The following AGMO variants were observed in gnomAD, a reference collection of about 807,000 sequenced individuals.
AGMO encodes the protein alkylglycerol monooxygenase.
AGMO carries 75 observed loss-of-function variants against 60.2 expected under a neutral mutation model. The ratio of observed to expected loss-of-function variants is 1.25; its 90% CI spans 1.03 to 1.51. AGMO has a LOEUF of 1.51. Ranked by LOEUF, AGMO falls within the 40% of genes most tolerant of loss-of-function variation. The pLI, the probability that AGMO is intolerant of heterozygous loss-of-function variation, is 0.00. For synonymous variants in AGMO, 261 were observed against 177.1 expected (o/e 1.47, Z -3.76); for missense variants, 763 against 525.5 (o/e 1.45, Z -4.42).
At chr7:15,363,897 TAAG>T (rs1217153784) in intron 12 of AGMO, among the ~76,000 whole-genome samples, 1 of 152,122 alleles carries the variant, frequency 6.6e-6, no homozygotes, top group Non-Finnish European at 1.5e-5. Flanking sequence ...GCCCCTCATC[TAAG>T]GTGTTAAAGT....
intron 5 of AGMO, among the ~76,000 whole-genome samples, chr7:15,399,578 A>G (rs969827782): frequency 2.6e-5 from 4 of 152,334 alleles, no homozygotes; most frequent in South Asian, 2.1e-4. Context: ...AAATAATACA[A>G]ATAACAATTT....
At chr7:15,555,229 T>C (rs1785094847) in intron 2 of AGMO, among the ~76,000 whole-genome samples, 1 of 149,168 alleles carries the variant, frequency 6.7e-6, no homozygotes, top group South Asian at 2.1e-4. Flanking sequence ...ACAAATATTC[T>C]TAAAACTCCA....
intron 4 of AGMO, among the ~76,000 whole-genome samples, chr7:15,430,395 A>G (rs71540706): frequency 0.32 from 47,955 of 151,326 alleles, 8,064 homozygotes; most frequent in Middle Eastern, 0.45. Context: ...GAAGATGACA[A>G]AAAAAGGGAT....
At chr7:15,284,927 T>C (rs1324523526) in intron 12 of AGMO, among the ~76,000 whole-genome samples, 1 of 151,772 alleles carries the variant, frequency 6.6e-6, no homozygotes, top group Non-Finnish European at 1.5e-5. Flanking sequence ...GTTTAACACA[T>C]GCAAGTCAAA....
chr7:15,180,333 G>T, the AGMO span, among the ~76,000 whole-genome samples: 8 of 151,986 alleles, frequency 5.3e-5, no homozygotes, highest in African/African-American at 1.9e-4. Context: ...TGAATACTTT[G>T]CTATTTAGAT....
intron 10 of AGMO, among the ~76,000 whole-genome samples, chr7:15,383,653 ATATTATT>A (rs1242802006): frequency 6.6e-6 from 1 of 152,062 alleles, no homozygotes; most frequent in Non-Finnish European, 1.5e-5. Context: ...TTTTCAGCAT[ATATTATT>A]TATTAATTTC....
intron 3 of AGMO, among the ~76,000 whole-genome samples, chr7:15,442,958 G>T (rs1781599549): frequency 6.6e-6 from 1 of 152,196 alleles, no homozygotes; most frequent in South Asian, 2.1e-4. Context: ...AGAATGATGT[G>T]GAGTTTGGCT....
chr7:15,538,428 T>C (rs1268439679), intron 3 of AGMO, among the ~76,000 whole-genome samples: 1 of 152,080 alleles, frequency 6.6e-6, no homozygotes, highest in Non-Finnish European at 1.5e-5. Flanking sequence ...AGACGAAGTC[T>C]CTCCATGTTG....
chr7:15,339,600 C>G (rs779767629), intron 12 of AGMO, among the ~76,000 whole-genome samples: 34 of 152,090 alleles, frequency 2.2e-4, no homozygotes, highest in Admixed American at 4.6e-4. Context: ...GCATTTTATG[C>G]AGAATGTCAG....
At chr7:15,416,001 G>C (rs917988128) in intron 5 of AGMO, among the ~76,000 whole-genome samples, 6 of 148,526 alleles carry the variant, frequency 4.0e-5, no homozygotes, top group African/African-American at 1.5e-4. Flanking sequence ...AATAGACCTT[G>C]TTGTTTGTTT....
chr7:15,209,531 T>C lies in AGMO; in HGVS notation c.1264-8172A>G, dbSNP rs192651739. On this transcript the variant is annotated intron_variant, in intron 12 of 12. Transcript: ENST00000342526. The stretch of plus-strand genomic sequence containing the variant: ...TTTTTGTTTATGTCAAAGGGATGAT[T>C]AGAGCCCCAGTAAATGGGAACCTCC... Among the ~76,000 whole-genome samples, 3 of 152,336 alleles carry C rather than the reference T, an allele frequency of 2.0e-5. No individual in the cohort carries two copies. The East Asian group carries it at 5.8e-4, about 29-fold the overall frequency.
At chr7:15,312,397 A>T (rs1780793081) in intron 12 of AGMO, among the ~76,000 whole-genome samples, 1 of 152,122 alleles carries the variant, frequency 6.6e-6, no homozygotes, top group Non-Finnish European at 1.5e-5. Flanking sequence ...AATAAAAGGC[A>T]AGTTTCCTTT....
intron 4 of AGMO, among the ~76,000 whole-genome samples, chr7:15,422,867 C>T (rs1780963599): frequency 6.6e-6 from 1 of 151,954 alleles, no homozygotes; most frequent in African/African-American, 2.4e-5. Flanking sequence ...TTTCAAGGCA[C>T]AGGATTTCAG....
chr7:15,404,971 T>C (rs1260591581), intron 5 of AGMO, among the ~76,000 whole-genome samples: 1 of 151,866 alleles, frequency 6.6e-6, no homozygotes, highest in African/African-American at 2.4e-5. Flanking sequence ...ACTAATATTT[T>C]AAAGTCAAAT....
At chr7:15,250,874 G>C (rs1383410249) in intron 12 of AGMO, among the ~76,000 whole-genome samples, 2 of 151,938 alleles carry the variant, frequency 1.3e-5, no homozygotes, top group Non-Finnish European at 2.9e-5. Flanking sequence ...GAACCCGGGA[G>C]GCAGACGTTG....
At chr7:15,253,294 A>T (rs746335202) in intron 12 of AGMO, among the ~76,000 whole-genome samples, 11 of 152,150 alleles carry the variant, frequency 7.2e-5, no homozygotes, top group Non-Finnish European at 1.5e-4. Context: ...ATTTATGGAG[A>T]TGCTAATGTT....
chr7:15,430,971 G>A (rs10230045), intron 4 of AGMO, 34 bp downstream of exon 4: 20 of 968,406 alleles, frequency 2.1e-5, no homozygotes, highest in Non-Finnish European at 2.9e-5. Flanking sequence ...AAACAAATTA[G>A]ATTACCATGT....
intron 12 of AGMO, among the ~76,000 whole-genome samples, chr7:15,205,595 CACTT>C (rs1391940966): frequency 2.6e-5 from 4 of 152,016 alleles, no homozygotes; most frequent in Non-Finnish European, 5.9e-5. Context: ...ATGATAAAGT[CACTT>C]ACTCTACTTT....
chr7:15,516,237 G>A (rs1238592678), intron 3 of AGMO, among the ~76,000 whole-genome samples: 1 of 151,998 alleles, frequency 6.6e-6, no homozygotes, highest in East Asian at 1.9e-4. Flanking sequence ...CTTAAAAAAG[G>A]AAGAGAGAGA....
Sources: gnomAD v4.1 joint callset for allele counts (sites outside exome capture counted in the v4.1 genomes callset) on GRCh38, gnomAD v4.1.1 for gene constraint, MANE v1.5 for transcripts, NCBI Gene and HGNC (gene_info 2026-07-23, HGNC 2026-07-21) for gene names.